The following PDSS2 variants were observed in gnomAD, a reference collection of about 807,000 sequenced individuals.
PDSS2 encodes the protein decaprenyl diphosphate synthase subunit 2.
In PDSS2, 31 loss-of-function variants were observed where a neutral mutation model predicts 44.5. The observed-to-expected ratio is 0.70, with a 90% CI of 0.52 to 0.94. PDSS2 has a LOEUF of 0.94. Among genes scored for constraint, PDSS2 ranks in the 40% least tolerant of loss-of-function variants. The pLI is 0.00. For synonymous variants in PDSS2, 157 were observed against 180.3 expected (o/e 0.87, Z 1.03); for missense variants, 452 against 482.2 (o/e 0.94, Z 0.59).
chr6:107,253,985 G>A (rs1774914574), intron 3 of PDSS2, among the ~76,000 whole-genome samples: 1 of 151,682 alleles, frequency 6.6e-6, no homozygotes, highest in African/African-American at 2.4e-5. Flanking sequence ...GCAAAACACT[G>A]AGATCCCATC....
At chr6:107,179,699 C>T (rs1000940694) in intron 7 of PDSS2, among the ~76,000 whole-genome samples, 23 of 152,116 alleles carry the variant, frequency 1.5e-4, no homozygotes, top group African/African-American at 5.6e-4. Flanking sequence ...TCTACTGTTA[C>T]CTAAGTAATT....
chr6:107,373,230 C>G (rs1299602710), intron 1 of PDSS2, among the ~76,000 whole-genome samples: 1 of 152,036 alleles, frequency 6.6e-6, no homozygotes, highest in Non-Finnish European at 1.5e-5. Context: ...CATGATCCGC[C>G]CGCCTTGGAC....
At chr6:107,364,198 T>C (rs576010820) in intron 1 of PDSS2, among the ~76,000 whole-genome samples, 1,957 of 141,658 alleles carry the variant, frequency 0.014, 39 homozygotes, top group African/African-American at 0.033. Context: ...GATCCCGCAC[T>C]GGGGCTGCAG....
At position 107,152,582 on chromosome 6, in the gene PDSS2, ATC is replaced by A. The variant is rs1770748777; in HGVS notation, c.*2035_*2036del. On this transcript the variant is annotated 3_prime_UTR_variant, in exon 8 of 8. Transcript: ENST00000369037. ...AAGAATTTCATAATTATCTTGTTTA[ATC>A]TCTTTTTTTTTTTCACACTTGACTT... 2 of 151,888 alleles carry A rather than the reference ATC, an allele frequency of 1.3e-5. No homozygotes were observed. The highest frequency in any genetic ancestry group is 1.5e-5 in the Non-Finnish European group (1 of 68,000). 9.4% of individuals were successfully genotyped at this position (151,888 alleles called of 1,614,324 possible). A position where few individuals can be genotyped will look rare whatever the true frequency, so the allele number is the denominator to read the frequency against.
chr6:107,385,028 A>T (rs1045361248), intron 1 of PDSS2, among the ~76,000 whole-genome samples: 1 of 152,214 alleles, frequency 6.6e-6, no homozygotes, highest in South Asian at 2.1e-4. Context: ...GAATCTTCAA[A>T]AAGAGATTAG....
intron 1 of PDSS2, among the ~76,000 whole-genome samples, chr6:107,387,506 A>G (rs1255061603): frequency 6.6e-6 from 1 of 152,254 alleles, no homozygotes; most frequent in Non-Finnish European, 1.5e-5. Context: ...AAAATTTTAA[A>G]GAAAGAAAAG....
chr6:107,319,007 T>TATAC (rs1554265839), intron 2 of PDSS2, among the ~76,000 whole-genome samples: 22 of 147,522 alleles, frequency 1.5e-4, no homozygotes, highest in African/African-American at 3.7e-4. Context: ...TATATATATA[T>TATAC]ACACACACAC....
chr6:107,359,962 T>C (rs1436212066), intron 1 of PDSS2, among the ~76,000 whole-genome samples: 3 of 152,144 alleles, frequency 2.0e-5, no homozygotes, highest in East Asian at 1.9e-4. Flanking sequence ...GACACATAAA[T>C]TGCAATCAAG....
At chr6:107,215,527 G>A (rs1349852591) in intron 4 of PDSS2, among the ~76,000 whole-genome samples, 3 of 152,162 alleles carry the variant, frequency 2.0e-5, no homozygotes, top group African/African-American at 7.2e-5. Flanking sequence ...AGACAGAGAT[G>A]CACACAACAC....
At chr6:107,242,326 C>A (rs1774463605) in intron 4 of PDSS2, among the ~76,000 whole-genome samples, 1 of 149,222 alleles carries the variant, frequency 6.7e-6, no homozygotes, top group South Asian at 2.1e-4. Flanking sequence ...TGCAGTGGCG[C>A]GATCTTGGCT....
intron 1 of PDSS2, among the ~76,000 whole-genome samples, chr6:107,376,037 G>C (rs1340844839): frequency 1.3e-5 from 2 of 152,160 alleles, no homozygotes; most frequent in East Asian, 3.8e-4. Flanking sequence ...CCCATTGCTT[G>C]TTTTTCTCAG....
At chr6:107,203,718 T>A (rs973979546) in intron 6 of PDSS2, among the ~76,000 whole-genome samples, 10 of 152,272 alleles carry the variant, frequency 6.6e-5, no homozygotes, top group Admixed American at 5.9e-4. Context: ...TGGCATTTAG[T>A]ACATTCACAA....
chr6:107,382,024 C>G (rs1486875183), intron 1 of PDSS2, among the ~76,000 whole-genome samples: 1 of 152,126 alleles, frequency 6.6e-6, no homozygotes, highest in African/African-American at 2.4e-5. Flanking sequence ...TAATGGGGAG[C>G]CTCTGAAGAA....
intron 3 of PDSS2, among the ~76,000 whole-genome samples, chr6:107,267,744 C>A (rs1019683377): frequency 2.0e-5 from 3 of 151,692 alleles, no homozygotes; most frequent in African/African-American, 4.8e-5. Flanking sequence ...CACCACCATG[C>A]CTGTTTTTTG....
chr6:107,264,479 G>C (rs770512620), intron 3 of PDSS2: 28 of 1,547,456 alleles, frequency 1.8e-5, no homozygotes, highest in African/African-American at 2.7e-5. Flanking sequence ...TCTCCCATCT[G>C]ATATATAGCA....
In PDSS2 at chr6:107,459,185, G is replaced by A; in HGVS notation, c.101C>T (p.Ser34Leu). Residue 34 changes from serine to leucine, a missense_variant, in exon 1 of 8, where the codon TCG (serine) becomes TTG (leucine). Ser to Leu is a moderately radical substitution (Grantham distance 145). Transcript: ENST00000369037. This position sits in a 1 kb window ranked among gnomAD's most constrained non-coding sequence, Gnocchi z 4.3. ...GGACCGACCACGCCAAGAGCCCACC[G>A]AGGAGATGGTGTCGAGGGACGGGGA... Reference protein sequence around the residue: ...WWSPSLDTISSVGSWRGRSSK... With the variant: ...WWSPSLDTISLVGSWRGRSSK... 5 of 1,614,116 alleles carry A rather than the reference G, an allele frequency of 3.1e-6. No homozygotes were observed. Among genetic ancestry groups the A allele is most frequent in the Non-Finnish European group, 4.2e-6 (5 of 1,179,998 alleles).
At chr6:107,188,825 A>G (rs1012576567) in intron 7 of PDSS2, among the ~76,000 whole-genome samples, 5 of 152,226 alleles carry the variant, frequency 3.3e-5, no homozygotes, top group Non-Finnish European at 7.3e-5. Context: ...TTCTAAGCTC[A>G]CCAGAAGCCT....
At chr6:107,362,362 G>C (rs1227619694) in intron 1 of PDSS2, among the ~76,000 whole-genome samples, 1 of 152,192 alleles carries the variant, frequency 6.6e-6, no homozygotes, top group African/African-American at 2.4e-5. Flanking sequence ...GTCTTAAGGT[G>C]TTTCAGCGTA....
intron 1 of PDSS2, among the ~76,000 whole-genome samples, chr6:107,435,875 G>C (rs1234223134): frequency 6.6e-6 from 1 of 151,894 alleles, no homozygotes; most frequent in Non-Finnish European, 1.5e-5. Context: ...ATTCCAAGGA[G>C]ACTCCAGGAG....
Sources: gnomAD v4.1 joint callset for allele counts (sites outside exome capture counted in the v4.1 genomes callset) on GRCh38, gnomAD v4.1.1 for gene constraint, Gnocchi (gnomAD v3.1) non-coding constraint, MANE v1.5 for transcripts, NCBI Gene and HGNC (gene_info 2026-07-23, HGNC 2026-07-21) for gene names.